Variants in GUCY1A2 observed in about 807,000 individuals in gnomAD.
GUCY1A2 encodes the protein guanylate cyclase soluble subunit alpha-2.
In GUCY1A2, 27 loss-of-function variants were observed where a neutral mutation model predicts 63.5. That is an observed-to-expected ratio of 0.43 (90% CI 0.31 to 0.59). GUCY1A2 has a LOEUF of 0.59. GUCY1A2 is among the 20% of genes least tolerant of loss of function. GUCY1A2 has a pLI of 0.11. For missense variants in GUCY1A2, 768 were observed against 913.3 expected (o/e 0.84, Z 2.05); for synonymous variants, 364 against 343.5 (o/e 1.06, Z -0.66).
rs1005156540 is a variant in GUCY1A2 at position 106,709,130 on chromosome 11, G to A, written c.1837-464C>T. 3.6e-5 allele frequency among the ~76,000 whole-genome samples: 4 copies of A among 110,452 alleles called. No homozygotes were observed. The South Asian group carries it at 1.1e-3, about 30-fold the overall frequency. 72.5% of individuals were successfully genotyped at this position (110,452 alleles called of 152,430 possible). ...ATGTTGGATTTTCCCATCAGAGAAG[G>A]ATATAGTTATATATATTATATACAT... On this transcript the variant is annotated intron_variant, in intron 6 of 7. Coordinates refer to ENST00000526355, the MANE Select transcript of GUCY1A2 (RefSeq NM_000855.3).
intron 7 of GUCY1A2, among the ~76,000 whole-genome samples, chr11:106,705,424 A>G (rs2135346673): frequency 6.6e-6 from 1 of 152,342 alleles, no homozygotes. Context: ...ACATGGATAG[A>G]TCTTAAAAGT....
intron 1 of GUCY1A2, among the ~76,000 whole-genome samples, chr11:106,997,680 G>A (rs1861559177): frequency 7.5e-6 from 1 of 133,132 alleles, no homozygotes; most frequent in South Asian, 2.4e-4. Flanking sequence ...GCTATGCTGA[G>A]AAATAATAGC....
At chr11:106,776,059 T>A (rs1325507219) in intron 6 of GUCY1A2, among the ~76,000 whole-genome samples, 2 of 152,202 alleles carry the variant, frequency 1.3e-5, no homozygotes, top group East Asian at 3.8e-4. Context: ...CTACAGGAAG[T>A]TGCGCAGGTC....
At chr11:106,878,022 G>GA (rs869190299) in intron 4 of GUCY1A2, among the ~76,000 whole-genome samples, 7 of 151,378 alleles carry the variant, frequency 4.6e-5, no homozygotes, top group Admixed American at 1.3e-4. Context: ...AACAATATAT[G>GA]AAAAAAAACT....
At chr11:106,944,434 G>C (rs1860798626) in intron 3 of GUCY1A2, among the ~76,000 whole-genome samples, 1 of 151,856 alleles carries the variant, frequency 6.6e-6, no homozygotes, top group Non-Finnish European at 1.5e-5. Context: ...GTGACAGAGT[G>C]AGACCTTGTA....
chr11:106,756,985 G>A (rs963586941), intron 6 of GUCY1A2, among the ~76,000 whole-genome samples: 12 of 152,122 alleles, frequency 7.9e-5, no homozygotes, highest in East Asian at 1.9e-4. Flanking sequence ...CAAGTACACC[G>A]ATCAAACGTA....
intron 4 of GUCY1A2, among the ~76,000 whole-genome samples, chr11:106,859,641 T>C (rs1859482158): frequency 6.6e-6 from 1 of 151,952 alleles, no homozygotes; most frequent in African/African-American, 2.4e-5. Context: ...AAATACCAGG[T>C]AAAAGTGCAG....
intron 4 of GUCY1A2, among the ~76,000 whole-genome samples, chr11:106,813,567 A>G (rs943054793): frequency 2.6e-5 from 4 of 152,072 alleles, no homozygotes; most frequent in Admixed American, 6.6e-5. Flanking sequence ...TATCTTGAGC[A>G]TGGCCTAATC....
intron 2 of GUCY1A2, among the ~76,000 whole-genome samples, chr11:106,981,005 T>C (rs1467334626): frequency 4.6e-5 from 7 of 152,220 alleles, no homozygotes; most frequent in African/African-American, 1.7e-4. Flanking sequence ...TTATGCAATA[T>C]TTTTAGGATT....
chr11:106,978,614 T>C lies in GUCY1A2; in HGVS notation c.487+5A>G, dbSNP rs759704272. On this transcript the variant is annotated splice_donor_5th_base_variant and intron_variant, in intron 3 of 7. Coordinates refer to ENST00000526355, the MANE Select transcript of GUCY1A2 (RefSeq NM_000855.3). Reference sequence around the variant, plus strand: ...CATCCATATAAATATATATAGTTAATATACCGAGTATATTAGCAGTACACT... The same window carrying C: ...CATCCATATAAATATATATAGTTAACATACCGAGTATATTAGCAGTACACT... The C allele has an allele frequency of 4.7e-6, 7 of 1,481,872 alleles. No homozygotes were observed. The African/African-American group carries it at 8.4e-5, about 18-fold the overall frequency. 91.8% of individuals were successfully genotyped at this position (1,481,872 alleles called of 1,614,324 possible). A position where few individuals can be genotyped will look rare whatever the true frequency, so the allele number is the denominator to read the frequency against.
intron 3 of GUCY1A2, among the ~76,000 whole-genome samples, chr11:106,971,926 G>A (rs1330484565): frequency 6.6e-6 from 1 of 152,062 alleles, no homozygotes; most frequent in Non-Finnish European, 1.5e-5. Context: ...GGGAAGTAAG[G>A]AAGTGCTCAA....
intron 2 of GUCY1A2, among the ~76,000 whole-genome samples, chr11:106,983,363 A>G (rs914434858): frequency 6.6e-6 from 1 of 152,236 alleles, no homozygotes; most frequent in Non-Finnish European, 1.5e-5. Context: ...TAAAGTGGAT[A>G]AAGTACAGAG....
rs79663406 is a variant in GUCY1A2, at chr11:106,883,031, G to A, written c.1206+56429C>T. Reference sequence around the variant, plus strand: ...TATCTCTATGTCATCTTCTACATACGAGCCTGTGTTTAGAGAAATAAAAAT... The same window carrying A: ...TATCTCTATGTCATCTTCTACATACAAGCCTGTGTTTAGAGAAATAAAAAT... On this transcript the variant is annotated intron_variant, in intron 4 of 7. Coordinates refer to ENST00000526355, the MANE Select transcript of GUCY1A2 (RefSeq NM_000855.3). Among the ~76,000 whole-genome samples, 1,347 of 152,028 alleles carry A rather than the reference G, an allele frequency of 8.9e-3. 17 individuals carry two copies. The highest frequency in any genetic ancestry group is 0.031 in the African/African-American group (1,284 of 41,496).
chr11:106,906,764 G>C (rs1860212705), intron 4 of GUCY1A2, among the ~76,000 whole-genome samples: 1 of 152,134 alleles, frequency 6.6e-6, no homozygotes, highest in South Asian at 2.1e-4. Context: ...CCATAAAAAG[G>C]ATGAGTTCAT....
chr11:106,965,568 T>A (rs1336019748), intron 3 of GUCY1A2, among the ~76,000 whole-genome samples: 1 of 152,212 alleles, frequency 6.6e-6, no homozygotes, highest in Admixed American at 6.5e-5. Context: ...CTTCTAGTGG[T>A]CACACTCAAG....
intron 6 of GUCY1A2, among the ~76,000 whole-genome samples, chr11:106,709,500 TAATA>T (rs1565264792): frequency 1.9e-5 from 1 of 51,972 alleles, no homozygotes; most frequent in East Asian, 3.0e-4. Flanking sequence ...ATATATATAA[TAATA>T]TATATTATTC....
chr11:106,791,296 C>A (rs979604451), intron 5 of GUCY1A2, among the ~76,000 whole-genome samples: 1 of 152,228 alleles, frequency 6.6e-6, no homozygotes, highest in African/African-American at 2.4e-5. Context: ...TCACTGCAGT[C>A]TCCTTCTCTC....
intron 1 of GUCY1A2, among the ~76,000 whole-genome samples, chr11:107,010,340 G>A (rs1397402230): frequency 5.9e-5 from 9 of 152,178 alleles, no homozygotes; most frequent in African/African-American, 2.2e-4. Flanking sequence ...TTTGGCAACA[G>A]TAGCCTACTT....
At chr11:106,927,726 G>A (rs947445888) in intron 4 of GUCY1A2, among the ~76,000 whole-genome samples, 6 of 151,448 alleles carry the variant, frequency 4.0e-5, no homozygotes, top group African/African-American at 1.2e-4. Flanking sequence ...CACCACGCCC[G>A]GCTAATTTTT....
Sources: gnomAD v4.1 joint callset for allele counts (sites outside exome capture counted in the v4.1 genomes callset) on GRCh38, gnomAD v4.1.1 for gene constraint, MANE v1.5 for transcripts, NCBI Gene and HGNC (gene_info 2026-07-23, HGNC 2026-07-21) for gene names.